The following VIRMA variants were observed in gnomAD, a reference collection of about 807,000 sequenced individuals.
The protein encoded by VIRMA is protein virilizer homolog.
Under a neutral mutation model 182.4 loss-of-function variants are expected in VIRMA, and 65 were observed. The ratio of observed to expected loss-of-function variants is 0.36; its 90% CI spans 0.29 to 0.44. The LOEUF (loss-of-function observed/expected upper bound fraction) is 0.44, where lower values mean the gene tolerates loss of function less well. Ranked by LOEUF, VIRMA falls within the 20% of genes least tolerant of loss-of-function variation. The pLI is 1.00. For synonymous variants in VIRMA, 709 were observed against 743.1 expected, an observed-to-expected ratio of 0.95 and a Z score of 0.75; for missense variants, 1,752 against 2,158.1, an observed-to-expected ratio of 0.81 and a Z score of 3.73.
chr8:94,513,799 T>C (rs1814456365), intron 11 of VIRMA, among the ~76,000 whole-genome samples: 1 of 152,190 alleles, frequency 6.6e-6, no homozygotes, highest in Non-Finnish European at 1.5e-5. Flanking sequence ...TTAATTGTAC[T>C]TCTCCTAAAT....
At chr8:94,507,903 G>GTATATATGTA (rs1445461008) in intron 15 of VIRMA, among the ~76,000 whole-genome samples, 2 of 148,416 alleles carry the variant, frequency 1.3e-5, no homozygotes, top group African/African-American at 2.5e-5. Flanking sequence ...GTATATATAT[G>GTATATATGTA]TATATATGTA....
chr8:94,523,063 CTAAAAA>C (rs1268144610), intron 8 of VIRMA, among the ~76,000 whole-genome samples: 4 of 152,130 alleles, frequency 2.6e-5, no homozygotes, highest in Non-Finnish European at 5.9e-5. Flanking sequence ...ACCTATTCTA[CTAAAAA>C]TAAAGTTGTT....
intron 4 of VIRMA, 22 bp downstream of exon 4, chr8:94,537,081 G>A: frequency 6.5e-7 from 1 of 1,541,846 alleles, no homozygotes; most frequent in East Asian, 2.2e-5. Flanking sequence ...ATGACAAGCT[G>A]AAAACTGACT....
intron 8 of VIRMA, among the ~76,000 whole-genome samples, chr8:94,520,862 T>C (rs1357646958): frequency 6.6e-6 from 1 of 152,076 alleles, no homozygotes; most frequent in Non-Finnish European, 1.5e-5. Flanking sequence ...GCTTTCAAAT[T>C]GTCAATTTTT....
intron 8 of VIRMA, among the ~76,000 whole-genome samples, chr8:94,521,031 C>CT (rs1161354483): frequency 7.8e-6 from 1 of 127,972 alleles, no homozygotes; most frequent in African/African-American, 3.0e-5. Context: ...CCAAAATCTA[C>CT]TTTTTTATCT....
At chr8:94,499,628 G>C in intron 16 of VIRMA, 122 bp from the exon 17 acceptor site, 1 of 637,982 alleles carries the variant, frequency 1.6e-6, no homozygotes, top group South Asian at 3.0e-5. Flanking sequence ...AAAATGCTAA[G>C]AAGTACTTTG....
intron 3 of VIRMA, among the ~76,000 whole-genome samples, chr8:94,537,963 G>T (rs1182288965): frequency 2.0e-5 from 3 of 152,086 alleles, no homozygotes; most frequent in African/African-American, 7.2e-5. Flanking sequence ...AAGAATCAAA[G>T]ATATTTTCCA....
chr8:94,524,489 G>C (rs1586092862), intron 8 of VIRMA, among the ~76,000 whole-genome samples: 1 of 151,906 alleles, frequency 6.6e-6, no homozygotes, highest in Non-Finnish European at 1.5e-5. Context: ...ATTTTTAGTA[G>C]AGACAGGGTT....
intron 11 of VIRMA, chr8:94,512,466 CA>C (rs1352690103): frequency 6.6e-6 from 1 of 152,442 alleles, no homozygotes; most frequent in Non-Finnish European, 1.5e-5. Flanking sequence ...AAAAATGAAG[CA>C]ATGACTATAT....
rs1204768784 is a variant in VIRMA at position 94,510,453 on chromosome 8, C to A, written c.3590G>T (p.Arg1197Ile). The change falls in exon 14 of 24, where the codon AGA becomes ATA. Residue 1197 changes from arginine (R) to isoleucine (I), a missense_variant. By Grantham distance (97) the Arg-to-Ile change is moderately conservative. Coordinates refer to ENST00000297591, the MANE Select transcript of VIRMA (RefSeq NM_015496.5). ...LASPTALLIM[R>I]TVLDLIVEDL... The stretch of plus-strand genomic sequence containing the variant: ...TTCTACAATCAAATCCAACACAGTT[C>A]TCATAATCAGAAGTGCAGTTGGTGA... 1 of 1,614,028 alleles carries A rather than the reference C, an allele frequency of 6.2e-7. No homozygotes were observed. Among genetic ancestry groups the A allele is most frequent in the Non-Finnish European group, 8.5e-7 (1 of 1,179,958 alleles).
chr8:94,511,332 G>C lies in VIRMA; in HGVS notation c.3243C>G (p.Ile1081Met). The C allele has an allele frequency of 6.2e-7, 1 of 1,613,688 alleles. No homozygotes were observed. Among genetic ancestry groups the C allele is most frequent in the Non-Finnish European group, 8.5e-7 (1 of 1,179,886 alleles). ...FTQGVNEKLT[I>M]SEETLANNTW... ...TATTATTGGCCAGAGTCTCTTCTGA[G>C]ATTGTGAGTTTTTCATTAACTCCTT... The change falls in exon 13 of 24, where the codon ATC becomes ATG. Residue 1081 changes from isoleucine (I) to methionine (M), a missense_variant. Ile to Met is a conservative substitution (Grantham distance 10, BLOSUM62 1). This residue lies in a region of VIRMA where 777 missense variants were observed against 920.6 expected (regional missense o/e 0.84). Coordinates refer to ENST00000297591, the MANE Select transcript of VIRMA (RefSeq NM_015496.5).
At chr8:94,507,123 G>C (rs1230376453) in intron 15 of VIRMA, among the ~76,000 whole-genome samples, 1 of 142,486 alleles carries the variant, frequency 7.0e-6, no homozygotes, top group Non-Finnish European at 1.5e-5. Flanking sequence ...ACTTTTCAGA[G>C]AAATAAAGTT....
Position 94,538,297 on chromosome 8 carries a change from T to C in VIRMA, c.229A>G (p.Ser77Gly). The C allele has an allele frequency of 6.2e-7, 1 of 1,613,536 alleles. No individual in the cohort carries two copies. Residue 77 changes from serine (S) to glycine (G), a missense_variant, in exon 3 of 24, where the codon AGC becomes GGC. This residue lies in a region of VIRMA where 195 missense variants were observed against 191.7 expected (regional missense o/e 1.02). Transcript: ENST00000297591. ...TCGAAAACAGGGGCACTTGGTTTGCTTACATTGTTGAAGAATAAGTCTAAT... is the reference window on the plus strand; with the variant it reads ...TCGAAAACAGGGGCACTTGGTTTGCCTACATTGTTGAAGAATAAGTCTAAT... Reference protein sequence around the residue: ...FQLDLFFNNVSKPSAPVFDRL... With the variant: ...FQLDLFFNNVGKPSAPVFDRL...
chr8:94,544,662 C>CAAA (rs11364603), intron 1 of VIRMA, among the ~76,000 whole-genome samples: 4 of 94,478 alleles, frequency 4.2e-5, no homozygotes, highest in Non-Finnish European at 8.4e-5. Context: ...GACTCTGTCT[C>CAAA]AAAAAAAAAA....
intron 10 of VIRMA, among the ~76,000 whole-genome samples, chr8:94,515,342 G>A (rs143699186): frequency 0.017 from 2,515 of 151,842 alleles, 56 homozygotes; most frequent in African/African-American, 0.056. Context: ...TGATCCGCCC[G>A]CCTCAGCCTC....
intron 19 of VIRMA, 86 bp downstream of exon 19, chr8:94,495,645 T>G: frequency 9.2e-6 from 10 of 1,091,094 alleles, no homozygotes; most frequent in Non-Finnish European, 1.3e-5. Flanking sequence ...TGGCCCTTTA[T>G]AGAAAAAAAC....
At position 94,553,367 on chromosome 8, in the gene VIRMA, C is replaced by A; in HGVS notation, c.63+18G>T. The stretch of plus-strand genomic sequence containing the variant: ...CCAAGTCAAGAAGCAGCGTCAGAAT[C>A]AAGTCGCCAAGCCTTACCTCAGCGC... On this transcript the variant is annotated intron_variant, in intron 1 of 23. Coordinates refer to ENST00000297591, the MANE Select transcript of VIRMA (RefSeq NM_015496.5). 1 of 1,612,996 alleles carries A rather than the reference C, an allele frequency of 6.2e-7. No individual in the cohort carries two copies. The highest frequency in any genetic ancestry group is 8.5e-7 in the Non-Finnish European group (1 of 1,178,984).
At chr8:94,507,937 G>GTATATACA (rs1814226019) in intron 15 of VIRMA, among the ~76,000 whole-genome samples, 1 of 81,438 alleles carries the variant, frequency 1.2e-5, no homozygotes, top group Non-Finnish European at 2.8e-5. Context: ...ATGTACATAT[G>GTATATACA]TGTATATGTG....
intron 8 of VIRMA, among the ~76,000 whole-genome samples, chr8:94,523,027 G>T (rs1248830314): frequency 6.6e-6 from 1 of 152,070 alleles, no homozygotes; most frequent in Non-Finnish European, 1.5e-5. Context: ...TTAATTACTA[G>T]CTTCTTCTCA....
Sources: gnomAD v4.1 joint callset for allele counts (sites outside exome capture counted in the v4.1 genomes callset) on GRCh38, gnomAD v4.1.1 for gene constraint, gnomAD v4.1.1 regional missense constraint, MANE v1.5 for transcripts, NCBI Gene and HGNC (gene_info 2026-07-23, HGNC 2026-07-21) for gene names.